FAM171A1: variants seen among roughly 807,000 people sequenced by gnomAD.
FAM171A1 encodes the protein family with sequence similarity 171 member A1.
In FAM171A1, 23 loss-of-function variants were observed where a neutral mutation model predicts 74.9. The observed-to-expected ratio is 0.31, with a 90% CI of 0.22 to 0.44. The LOEUF is 0.44. Ranked by LOEUF, FAM171A1 falls within the 20% of genes least tolerant of loss-of-function variation. The probability of loss-of-function intolerance (pLI) is 1.00; values close to 1 mark genes in which losing one functional copy is unlikely to be tolerated. For missense variants in FAM171A1, 1,162 were observed against 1,159.2 expected (o/e 1.00, Z -0.03); for synonymous variants, 527 against 505.7 (o/e 1.04, Z -0.57).
intron 5 of FAM171A1, among the ~76,000 whole-genome samples, chr10:15,246,513 T>C (rs1834437091): frequency 6.6e-6 from 1 of 152,212 alleles, no homozygotes; most frequent in Non-Finnish European, 1.5e-5. Flanking sequence ...CTGAACTGGC[T>C]TATTTGAAAA....
chr10:15,353,985 G>A (rs772906750), intron 1 of FAM171A1, among the ~76,000 whole-genome samples: 5 of 152,224 alleles, frequency 3.3e-5, no homozygotes, highest in Non-Finnish European at 7.3e-5. Flanking sequence ...TGCAAAGTAA[G>A]CTTTAACACA....
chr10:15,248,181 A>C (rs951468099), intron 5 of FAM171A1, among the ~76,000 whole-genome samples: 1 of 152,088 alleles, frequency 6.6e-6, no homozygotes, highest in Non-Finnish European at 1.5e-5. Context: ...AGAATTCAAG[A>C]TATATTAGTG....
intron 1 of FAM171A1, among the ~76,000 whole-genome samples, chr10:15,307,854 G>T (rs1285821448): frequency 6.6e-6 from 1 of 151,374 alleles, no homozygotes; most frequent in Non-Finnish European, 1.5e-5. Context: ...TGTTGCCCAG[G>T]CTGCAGTGCA....
Position 15,212,734 on chromosome 10 carries a change from A to C in FAM171A1, c.*181T>G. On this transcript the variant is annotated 3_prime_UTR_variant, in exon 8 of 8. Coordinates refer to ENST00000378116, the MANE Select transcript of FAM171A1 (RefSeq NM_001010924.2). ...GCGACATCCGCCAAAGTCATCCTTT[A>C]TTCCGAGTAATAACTTTAATTCCTT... The C allele has an allele frequency of 1.1e-6, 1 of 879,492 alleles. No homozygotes were observed. Among genetic ancestry groups the C allele is most frequent in the Non-Finnish European group, 1.7e-6 (1 of 589,722 alleles). The allele number at this position is 879,492 out of a possible 1,614,324, so 54.5% of individuals were successfully genotyped here. A position where few individuals can be genotyped will look rare whatever the true frequency, so the allele number is the denominator to read the frequency against.
intron 5 of FAM171A1, among the ~76,000 whole-genome samples, chr10:15,246,471 T>A (rs905837834): frequency 2.0e-5 from 3 of 152,176 alleles, no homozygotes; most frequent in Admixed American, 6.5e-5. Flanking sequence ...ATCTCCCAAT[T>A]ATCTTCATGC....
At chr10:15,256,212 T>A (rs1000134418) in intron 3 of FAM171A1, among the ~76,000 whole-genome samples, 2 of 152,142 alleles carry the variant, frequency 1.3e-5, no homozygotes, top group Admixed American at 1.3e-4. Flanking sequence ...GGGTTCCTTT[T>A]AACTCTGGAT....
intron 1 of FAM171A1, among the ~76,000 whole-genome samples, chr10:15,355,131 G>A (rs1835918480): frequency 6.6e-6 from 1 of 152,200 alleles, no homozygotes; most frequent in South Asian, 2.1e-4. Flanking sequence ...CTGACATCCA[G>A]GCAAGTGCAG....
Position 15,305,254 on chromosome 10 carries a change from A to G in FAM171A1, c.98-21149T>C, listed in dbSNP as rs564719414. Among the ~76,000 whole-genome samples, 171 of 152,354 alleles carry G rather than the reference A, an allele frequency of 1.1e-3. 1 individual carries two copies. The highest frequency in any genetic ancestry group is 4.0e-3 in the African/African-American group (166 of 41,586). On this transcript the variant is annotated intron_variant, in intron 1 of 7. Coordinates refer to ENST00000378116, the MANE Select transcript of FAM171A1 (RefSeq NM_001010924.2). ...TTTAGGCTGCATGAATAAACAGTAA[A>G]TTCTAGATCACAGAAAATATTAATC...
intron 5 of FAM171A1, among the ~76,000 whole-genome samples, chr10:15,236,235 A>C (rs1205478120): frequency 2.0e-5 from 3 of 150,718 alleles, no homozygotes; most frequent in Non-Finnish European, 4.4e-5. Flanking sequence ...GGGATGTTAA[A>C]TTTAAAAACA....
intron 3 of FAM171A1, among the ~76,000 whole-genome samples, chr10:15,263,129 C>T (rs1013373250): frequency 3.3e-5 from 5 of 152,168 alleles, no homozygotes; most frequent in Admixed American, 2.6e-4. Flanking sequence ...CCAGTCGGCC[C>T]GATGACAGTG....
chr10:15,374,166 G>C (rs1359585789), upstream of FAM171A1, among the ~76,000 whole-genome samples: 2 of 152,166 alleles, frequency 1.3e-5, no homozygotes, highest in East Asian at 3.8e-4. Context: ...GGAACTTTAG[G>C]AGAAGTTTAT....
chr10:15,229,443 C>T lies in FAM171A1; in HGVS notation c.755-8383G>A, dbSNP rs990072136. Reference sequence around the variant, plus strand: ...TCGTCATCACCACCATCATCACCATCGTCACCACCATCATTGTCACCATCA... The same window carrying T: ...TCGTCATCACCACCATCATCACCATTGTCACCACCATCATTGTCACCATCA... On this transcript the variant is annotated intron_variant, in intron 5 of 7. Transcript: ENST00000378116. 3.2e-3 allele frequency among the ~76,000 whole-genome samples: 482 copies of T among 150,158 alleles called. 1 individual carries two copies. Among genetic ancestry groups the T allele is most frequent in the African/African-American group, 0.011 (449 of 40,992 alleles).
upstream of FAM171A1, among the ~76,000 whole-genome samples, chr10:15,372,167 A>G (rs57669105): frequency 7.7e-3 from 1,175 of 152,272 alleles, 19 homozygotes; most frequent in African/African-American, 0.027. Context: ...GGCACAACTG[A>G]GCCTAGAAGA....
At chr10:15,240,949 T>C (rs1397810622) in intron 5 of FAM171A1, among the ~76,000 whole-genome samples, 2 of 151,994 alleles carry the variant, frequency 1.3e-5, no homozygotes, top group Admixed American at 1.3e-4. Context: ...GAAGCTGAGG[T>C]AGGAGGATCT....
intron 1 of FAM171A1, among the ~76,000 whole-genome samples, chr10:15,306,659 C>G (rs1056763050): frequency 7.2e-5 from 11 of 152,340 alleles, no homozygotes; most frequent in Non-Finnish European, 1.6e-4. Flanking sequence ...AGCCACTGAG[C>G]CTGGCATAGC....
At chr10:15,358,988 C>T (rs770380717) in intron 1 of FAM171A1, among the ~76,000 whole-genome samples, 1 of 152,178 alleles carries the variant, frequency 6.6e-6, no homozygotes, top group Non-Finnish European at 1.5e-5. Context: ...CTTCTTTGCA[C>T]CTCACAGTCC....
Position 15,330,701 on chromosome 10 carries a change from TTTCTTC to T in FAM171A1, c.97+40249_97+40254del, listed in dbSNP as rs200509386. 4.6e-3 allele frequency among the ~76,000 whole-genome samples: 604 copies of T among 131,388 alleles called. 11 individuals carry two copies. The highest frequency in any genetic ancestry group is 0.016 in the African/African-American group (566 of 35,942). 86.2% of individuals were successfully genotyped at this position (131,388 alleles called of 152,430 possible). A position where few individuals can be genotyped will look rare whatever the true frequency, so the allele number is the denominator to read the frequency against. ...TTTTGAAGCCTCTGAAGCATATTTT[TTTCTTC>T]TTCTTCTTTTTTTTTTTTTTTTTTT... On this transcript the variant is annotated intron_variant, in intron 1 of 7. Coordinates refer to ENST00000378116, the MANE Select transcript of FAM171A1 (RefSeq NM_001010924.2).
intron 1 of FAM171A1, among the ~76,000 whole-genome samples, chr10:15,287,782 G>T (rs7897907): frequency 6.6e-6 from 1 of 152,170 alleles, no homozygotes; most frequent in African/African-American, 2.4e-5. Flanking sequence ...ATTTATTTCC[G>T]TAGGTTTTAG....
intron 5 of FAM171A1, among the ~76,000 whole-genome samples, chr10:15,228,154 T>C (rs1322412658): frequency 6.6e-6 from 1 of 152,128 alleles, no homozygotes; most frequent in Non-Finnish European, 1.5e-5. Context: ...ACATTTACTC[T>C]GCCTGGAAAC....
Sources: gnomAD v4.1 joint callset for allele counts (sites outside exome capture counted in the v4.1 genomes callset) on GRCh38, gnomAD v4.1.1 for gene constraint, MANE v1.5 for transcripts, NCBI Gene and HGNC (gene_info 2026-07-23, HGNC 2026-07-21) for gene names.